Variants in SPAG16 observed in about 807,000 individuals in gnomAD.
SPAG16 encodes the protein sperm-associated antigen 16 protein.
Under a neutral mutation model 80.4 loss-of-function variants are expected in SPAG16, and 86 were observed. The ratio of observed to expected loss-of-function variants is 1.07; its 90% CI spans 0.90 to 1.28. SPAG16 has a LOEUF of 1.28. Ranked by LOEUF, SPAG16 falls within the 50% of genes most tolerant of loss-of-function variation. The pLI is 0.00. For missense variants in SPAG16, 870 were observed against 765.3 expected (o/e 1.14, Z -1.61); for synonymous variants, 294 against 265.9 (o/e 1.11, Z -1.03).
rs745321055 is a variant in SPAG16, at chr2:213,284,538, T to G, written c.55T>G (p.Leu19Val). 1 of 1,601,898 alleles carries G rather than the reference T, an allele frequency of 6.2e-7. No individual in the cohort carries two copies. The highest frequency in any genetic ancestry group is 8.5e-7 in the Non-Finnish European group (1 of 1,174,604). Residue 19 changes from leucine to valine, a missense_variant, in exon 1 of 16, where the codon TTG becomes GTG. Transcript: ENST00000331683. ...CGCCGTGAGGGTCCTGGAAGAGGCG[T>G]TGGGCATGGGTTTGACGGCAGCCGG... The part of the protein sequence containing the change: ...SSAVRVLEEA[L>V]GMGLTAAGDA...
intron 9 of SPAG16, among the ~76,000 whole-genome samples, chr2:213,415,883 G>T (rs769097017): frequency 4.6e-5 from 7 of 152,182 alleles, no homozygotes; most frequent in Non-Finnish European, 1.0e-4. Flanking sequence ...GAGGGAACTT[G>T]GTTGCAATTA....
chr2:214,358,783 A>G (rs552625236), intron 15 of SPAG16, among the ~76,000 whole-genome samples: 1 of 152,038 alleles, frequency 6.6e-6, no homozygotes, highest in South Asian at 2.1e-4. Flanking sequence ...GGAGAACAGG[A>G]GGAAACTTGT....
At position 214,024,881 on chromosome 2, in the gene SPAG16, G is replaced by A. The variant is rs1302173450; in HGVS notation, c.1527+10804G>A. Reference sequence around the variant, plus strand: ...AATCATAGAATATATTTGACCAACAGGAAACCCCAGTGGATTGCCTCCAGT... The same window carrying A: ...AATCATAGAATATATTTGACCAACAAGAAACCCCAGTGGATTGCCTCCAGT... On this transcript the variant is annotated intron_variant, in intron 13 of 15. Transcript: ENST00000331683. Among the ~76,000 whole-genome samples the A allele has an allele frequency of 4.0e-5, 6 of 151,652 alleles. No homozygotes were observed. The South Asian group carries it at 8.3e-4, about 21-fold the overall frequency.
intron 7 of SPAG16, among the ~76,000 whole-genome samples, chr2:213,355,525 C>A (rs955476584): frequency 1.3e-5 from 2 of 152,112 alleles, no homozygotes; most frequent in African/African-American, 4.8e-5. Flanking sequence ...TTGTTTGTGT[C>A]CTCTTTTATT....
chr2:213,788,894 T>C (rs1422979249), intron 10 of SPAG16, among the ~76,000 whole-genome samples: 1 of 151,864 alleles, frequency 6.6e-6, no homozygotes, highest in Non-Finnish European at 1.5e-5. Flanking sequence ...TATTGTGCAA[T>C]TTCCATAGGT....
intron 10 of SPAG16, among the ~76,000 whole-genome samples, chr2:213,753,310 C>G (rs1381193173): frequency 2.0e-5 from 3 of 152,098 alleles, no homozygotes; most frequent in Non-Finnish European, 4.4e-5. Context: ...CTGCGCCCAG[C>G]CTATTTTTTC....
At chr2:213,831,164 C>T (rs796103903) in intron 10 of SPAG16, among the ~76,000 whole-genome samples, 13 of 151,110 alleles carry the variant, frequency 8.6e-5, no homozygotes, top group African/African-American at 2.7e-4. Context: ...CTCAGCCTCC[C>T]GAGTAGCTGG....
chr2:214,057,995 G>A (rs2372222), intron 13 of SPAG16, among the ~76,000 whole-genome samples: 38,201 of 151,522 alleles, frequency 0.25, 5,172 homozygotes, highest in Middle Eastern at 0.31. Context: ...TTAAGCTTTG[G>A]CTTAAAAAAA....
At chr2:214,376,134 G>A (rs1347631577) in intron 15 of SPAG16, among the ~76,000 whole-genome samples, 2 of 151,850 alleles carry the variant, frequency 1.3e-5, no homozygotes, top group African/African-American at 4.8e-5. Context: ...AATAATAAAA[G>A]GAAAATATGT....
intron 15 of SPAG16, among the ~76,000 whole-genome samples, chr2:214,221,549 T>C (rs2058568163): frequency 6.6e-6 from 1 of 152,222 alleles, no homozygotes; most frequent in African/African-American, 2.4e-5. Flanking sequence ...AGGAATGGCT[T>C]ATCTTTCTCT....
At chr2:213,311,453 A>C (rs2063182354) in intron 4 of SPAG16, among the ~76,000 whole-genome samples, 1 of 151,656 alleles carries the variant, frequency 6.6e-6, no homozygotes, top group African/African-American at 2.4e-5. Flanking sequence ...GGATCCAAGT[A>C]TACTGTTAAC....
At chr2:213,582,173 C>T (rs1234613334) in intron 10 of SPAG16, among the ~76,000 whole-genome samples, 1 of 152,066 alleles carries the variant, frequency 6.6e-6, no homozygotes, top group Non-Finnish European at 1.5e-5. Context: ...GAAGAATCTA[C>T]ATGTGGTAAC....
rs111993898 is a variant in SPAG16 at position 213,911,315 on chromosome 2, T to C, written c.1215-18645T>C. Among the ~76,000 whole-genome samples the C allele has an allele frequency of 5.6e-3, 857 of 152,206 alleles. 8 individuals are homozygous for C. The highest frequency in any genetic ancestry group is 0.02 in the African/African-American group (833 of 41,516). On this transcript the variant is annotated intron_variant, in intron 11 of 15. Transcript: ENST00000331683. ...ACACACCACTTCACTAGGCTAATTTTTGTATTTTTTCTAGAGACGAGGTTT... is the reference window on the plus strand; with the variant it reads ...ACACACCACTTCACTAGGCTAATTTCTGTATTTTTTCTAGAGACGAGGTTT...
chr2:214,172,608 A>G (rs1354939406), intron 15 of SPAG16, among the ~76,000 whole-genome samples: 3 of 152,062 alleles, frequency 2.0e-5, no homozygotes, highest in African/African-American at 4.8e-5. Flanking sequence ...TCCTTTGGGT[A>G]TATACCCAGT....
At chr2:214,042,206 G>T (rs1428247893) in intron 13 of SPAG16, among the ~76,000 whole-genome samples, 1 of 150,890 alleles carries the variant, frequency 6.6e-6, no homozygotes, top group Non-Finnish European at 1.5e-5. Flanking sequence ...TGATTCTCCT[G>T]CTTCAGCCTC....
At position 214,012,047 on chromosome 2, in the gene SPAG16, C is replaced by T. The variant is rs184911356; in HGVS notation, c.1401-1904C>T. Among the ~76,000 whole-genome samples the T allele has an allele frequency of 2.3e-3, 356 of 151,530 alleles. 2 individuals carry two copies. Among genetic ancestry groups the T allele is most frequent in the African/African-American group, 7.5e-3 (310 of 41,334 alleles). On this transcript the variant is annotated intron_variant, in intron 12 of 15. Transcript: ENST00000331683. The stretch of plus-strand genomic sequence containing the variant: ...TTCATTCACACAAGAAGAAAATTTA[C>T]GGCCACTAAAGTTAAACGGTTACCA...
At chr2:213,476,012 T>C (rs1475017552) in intron 9 of SPAG16, among the ~76,000 whole-genome samples, 1 of 152,228 alleles carries the variant, frequency 6.6e-6, no homozygotes, top group Non-Finnish European at 1.5e-5. Context: ...AATGGGTTTC[T>C]TCAACAGGGG....
chr2:214,070,059 T>C (rs2050716369), intron 13 of SPAG16, among the ~76,000 whole-genome samples: 1 of 151,376 alleles, frequency 6.6e-6, no homozygotes, highest in South Asian at 2.1e-4. Flanking sequence ...TTTTATCCTT[T>C]GCACATTTTC....
intron 15 of SPAG16, among the ~76,000 whole-genome samples, chr2:214,258,476 T>C (rs1441883377): frequency 1.3e-5 from 2 of 148,478 alleles, no homozygotes; most frequent in African/African-American, 4.9e-5. Context: ...TGTGTGTATA[T>C]ATATATATAT....
Sources: gnomAD v4.1 joint callset for allele counts (sites outside exome capture counted in the v4.1 genomes callset) on GRCh38, gnomAD v4.1.1 for gene constraint, MANE v1.5 for transcripts, NCBI Gene and HGNC (gene_info 2026-07-23, HGNC 2026-07-21) for gene names.